Variants in WDR31 observed in about 807,000 individuals in gnomAD.
WDR31 encodes WD repeat-containing protein 31.
Under a neutral mutation model 47.3 loss-of-function variants are expected in WDR31, and 30 were observed. That is an observed-to-expected ratio of 0.63 (90% CI 0.47 to 0.86). The LOEUF (loss-of-function observed/expected upper bound fraction) is 0.86, where lower values mean the gene tolerates loss of function less well. WDR31 is among the 40% of genes least tolerant of loss of function. WDR31 has a pLI of 0.00. For synonymous variants in WDR31, 137 were observed against 159.4 expected (o/e 0.86, Z 1.06); for missense variants, 406 against 442.9 (o/e 0.92, Z 0.75).
intron 8 of WDR31, 142 bp from the exon 9 acceptor site, chr9:113,320,640 G>T: frequency 9.6e-7 from 1 of 1,040,976 alleles, no homozygotes; most frequent in Non-Finnish European, 1.3e-6. Context: ...AAAAACGGCA[G>T]CATGAACCAG....
At chr9:113,318,341 C>T in intron 10 of WDR31, 134 bp downstream of exon 10, 1 of 988,636 alleles carries the variant, frequency 1.0e-6, no homozygotes, top group South Asian at 1.5e-5. Context: ...CTTGACATCA[C>T]CTCTTAAGCA....
In WDR31 at chr9:113,315,097, C is replaced by G. The variant is rs1392489423; in HGVS notation, c.*1652G>C. ...CTGACTCTTTGTACTAGCTTAAGAA[C>G]AGACTCTCAGCTGGATGTGGTGGCT... is the stretch of plus-strand genomic sequence containing the variant. On this transcript the variant is annotated 3_prime_UTR_variant, in exon 11 of 11. Coordinates refer to ENST00000374193, the MANE Select transcript of WDR31 (RefSeq NM_001012361.4). 6.6e-6 allele frequency: 1 copy of G among 152,002 alleles called. No individual in the cohort carries two copies. Among genetic ancestry groups the G allele is most frequent in the Non-Finnish European group, 1.5e-5 (1 of 68,024 alleles). 9.4% of individuals were successfully genotyped at this position (152,002 alleles called of 1,614,324 possible).
At chr9:113,328,763 A>T (rs1241138358) in intron 5 of WDR31, 118 bp downstream of exon 5, 1 of 874,634 alleles carries the variant, frequency 1.1e-6, no homozygotes, top group African/African-American at 1.7e-5. Context: ...TCACAGCATC[A>T]AACAAACCTT....
intron 4 of WDR31, among the ~76,000 whole-genome samples, chr9:113,330,058 A>G (rs1162645297): frequency 1.3e-5 from 2 of 152,180 alleles, no homozygotes; most frequent in Non-Finnish European, 2.9e-5. Flanking sequence ...CAGTATGCAA[A>G]TGGAATTTGA....
At chr9:113,316,961 A>C in intron 10 of WDR31, 52 bp from the exon 11 acceptor site, 2 of 1,581,982 alleles carry the variant, frequency 1.3e-6, no homozygotes, top group Non-Finnish European at 1.7e-6. Context: ...AGCATCATGA[A>C]ATGTGATGTC....
In WDR31 at chr9:113,316,912, G is replaced by A. The variant is rs770049110; in HGVS notation, c.944-3C>T. On this transcript the variant is annotated splice_polypyrimidine_tract_variant and splice_region_variant and intron_variant, in intron 10 of 10. Coordinates refer to ENST00000374193, the MANE Select transcript of WDR31 (RefSeq NM_001012361.4). ...CAGAGACAAGGTGAAAAGGCAGGCT[G>A]GGGGGGAAAGGGGGACCAGCAGATT... 18 of 1,610,166 alleles carry A rather than the reference G, an allele frequency of 1.1e-5. No individual in the cohort carries two copies. Among genetic ancestry groups the A allele is most frequent in the Admixed American group, 1.7e-5 (1 of 59,442 alleles).
At chr9:113,336,491 G>A (rs1247161566) in intron 1 of WDR31, 51 bp from the exon 2 acceptor site, 1 of 152,202 alleles carries the variant, frequency 6.6e-6, no homozygotes, top group East Asian at 1.9e-4. Context: ...TAAAGAGATG[G>A]TTAGGTGTAG....
chr9:113,318,788 AC>A, intron 9 of WDR31, 151 bp from the exon 10 acceptor site: 1 of 756,772 alleles, frequency 1.3e-6, no homozygotes. Flanking sequence ...AGACCCAACA[AC>A]CCATCCATCC....
At chr9:113,333,414 G>A (rs1193007418) in intron 2 of WDR31, among the ~76,000 whole-genome samples, 3 of 125,900 alleles carry the variant, frequency 2.4e-5, no homozygotes, top group Non-Finnish European at 4.8e-5. Context: ...TCGCTCTGTC[G>A]CCCAGGCCGG....
chr9:113,331,617 T>C (rs1833597806), intron 3 of WDR31, among the ~76,000 whole-genome samples: 1 of 152,228 alleles, frequency 6.6e-6, no homozygotes, highest in Admixed American at 6.5e-5. Flanking sequence ...CAGCTAATTT[T>C]TGTATTTTTT....
chr9:113,326,267 A>G (rs1833465482), intron 5 of WDR31, among the ~76,000 whole-genome samples: 1 of 152,226 alleles, frequency 6.6e-6, no homozygotes, highest in African/African-American at 2.4e-5. Context: ...TGCTTTGCAT[A>G]TGGCAAGATT....
At chr9:113,332,959 C>T (rs1007864823) in intron 2 of WDR31, among the ~76,000 whole-genome samples, 8 of 152,206 alleles carry the variant, frequency 5.3e-5, no homozygotes, top group Admixed American at 3.3e-4. Context: ...GATGCCTGCT[C>T]TCCTTTGCCT....
intron 9 of WDR31, 46 bp downstream of exon 9, chr9:113,320,311 T>C (rs777425739): frequency 6.2e-7 from 1 of 1,605,102 alleles, no homozygotes; most frequent in Non-Finnish European, 8.5e-7. Flanking sequence ...GAGTAAGTGA[T>C]CTGTTCATCA....
At chr9:113,327,727 G>A (rs914233020) in intron 5 of WDR31, among the ~76,000 whole-genome samples, 5 of 151,802 alleles carry the variant, frequency 3.3e-5, no homozygotes, top group Non-Finnish European at 7.4e-5. Context: ...GGCCTCGGGC[G>A]AATCACTTGA....
At chr9:113,318,791 C>T (rs1420838562) in intron 9 of WDR31, among the ~76,000 whole-genome samples, 154 bp from the exon 10 acceptor site, 2 of 152,176 alleles carry the variant, frequency 1.3e-5, no homozygotes, top group Non-Finnish European at 2.9e-5. Flanking sequence ...CCCAACAACC[C>T]ATCCATCCAC....
chr9:113,330,264 C>G (rs1833568144), intron 4 of WDR31, among the ~76,000 whole-genome samples: 1 of 152,028 alleles, frequency 6.6e-6, no homozygotes, highest in South Asian at 2.1e-4. Context: ...TCATGCCCAG[C>G]TAATTTTTGT....
At chr9:113,331,643 C>T (rs879325538) in intron 3 of WDR31, among the ~76,000 whole-genome samples, 12 of 152,142 alleles carry the variant, frequency 7.9e-5, no homozygotes, top group Non-Finnish European at 1.6e-4. Context: ...GATGGGGTTT[C>T]GCCATGTTGC....
intron 10 of WDR31, 120 bp from the exon 11 acceptor site, chr9:113,317,029 G>A: frequency 8.4e-7 from 1 of 1,186,128 alleles, no homozygotes; most frequent in South Asian, 1.9e-5. Context: ...CCGTATGAGA[G>A]AGACCCCACT....
intron 5 of WDR31, among the ~76,000 whole-genome samples, chr9:113,326,200 C>T (rs573414445): frequency 1.3e-5 from 2 of 152,280 alleles, no homozygotes; most frequent in Admixed American, 6.5e-5. Context: ...CGTGAGCCAC[C>T]GCACCCGGCC....
Sources: gnomAD v4.1 joint callset for allele counts (sites outside exome capture counted in the v4.1 genomes callset) on GRCh38, gnomAD v4.1.1 for gene constraint, MANE v1.5 for transcripts, NCBI Gene and HGNC (gene_info 2026-07-23, HGNC 2026-07-21) for gene names.